CNRIP1: variants seen among roughly 807,000 people sequenced by gnomAD.
The protein encoded by CNRIP1 is cannabinoid receptor interacting protein 1.
A neutral mutation model predicts 15.2 loss-of-function variants in CNRIP1; 10 were observed. That is an observed-to-expected ratio of 0.66 (90% CI 0.41 to 1.12). The LOEUF is 1.12. Ranked by LOEUF, CNRIP1 falls within the 50% of genes most tolerant of loss-of-function variation. CNRIP1 has a pLI of 0.00. For missense variants in CNRIP1, 211 were observed against 214.7 expected (o/e 0.98, Z 0.11); for synonymous variants, 91 against 83.2 (o/e 1.09, Z -0.51).
At chr2:68,288,837 G>A (rs893275379), downstream of CNRIP1, among the ~76,000 whole-genome samples, 1 of 152,182 alleles carries the variant, frequency 6.6e-6, no homozygotes, top group African/African-American at 2.4e-5. Context: ...CAGGTAATGA[G>A]GTGATTTTAA....
rs201604875 is a variant in CNRIP1, at chr2:68,319,210, C to T, written c.179+12G>A. ...TGGGGGACCCTGCTGCCACCAGGCG[C>T]CCCGCACTCACTCGACCTGCAGCGT... On this transcript the variant is annotated intron_variant, in intron 1 of 2. Coordinates refer to ENST00000263655, the MANE Select transcript of CNRIP1 (RefSeq NM_015463.3). 4.6e-6 allele frequency: 7 copies of T among 1,537,716 alleles called. No homozygotes were observed. In the East Asian group the frequency reaches 9.9e-5, roughly 22 times the overall value.
At chr2:68,310,025 CAGAGTAA>C (rs1459194851) in intron 2 of CNRIP1, among the ~76,000 whole-genome samples, 3 of 152,128 alleles carry the variant, frequency 2.0e-5, no homozygotes, top group Non-Finnish European at 4.4e-5. Context: ...AAGTAGGTAT[CAGAGTAA>C]AGAGTTTTGG....
chr2:68,312,262 CGA>C lies in CNRIP1; in HGVS notation c.330+4893_330+4894del, dbSNP rs567535548. 2.8e-4 allele frequency among the ~76,000 whole-genome samples: 43 copies of C among 151,736 alleles called. No individual in the cohort carries two copies. In the East Asian group the frequency reaches 8.3e-3, roughly 29 times the overall value. On this transcript the variant is annotated intron_variant, in intron 2 of 2. Transcript: ENST00000263655. ...ATGAATCAAATCCAGTTTTACATAC[CGA>C]GAATAAACCATGACCAGTGGTATTT...
intron 2 of CNRIP1, among the ~76,000 whole-genome samples, chr2:68,301,861 CAG>C (rs1178150258): frequency 4.8e-5 from 6 of 125,232 alleles, no homozygotes; most frequent in Non-Finnish European, 9.4e-5. Context: ...CACTGCACTC[CAG>C]AGCCTGGGCG....
chr2:68,316,719 A>T, intron 2 of CNRIP1: 1 of 270,720 alleles, frequency 3.7e-6, no homozygotes, highest in South Asian at 5.1e-5. Flanking sequence ...ATATTATATA[A>T]GAGGTGTATT....
At chr2:68,295,619 T>G (rs1462331745) in intron 2 of CNRIP1, among the ~76,000 whole-genome samples, 1 of 152,198 alleles carries the variant, frequency 6.6e-6, no homozygotes, top group Non-Finnish European at 1.5e-5. Flanking sequence ...CTCAAAGACA[T>G]GCTAAGCAAA....
At position 68,293,743 on chromosome 2, in the gene CNRIP1, G is replaced by T; in HGVS notation, c.*119C>A. On this transcript the variant is annotated 3_prime_UTR_variant, in exon 3 of 3. Transcript: ENST00000263655. ...CTTTCAAAATAACCAGGGCTAGTAG[G>T]TCATTAGTACCAGATGGGGAACAGC... The T allele has an allele frequency of 6.7e-7, 1 of 1,494,808 alleles. No homozygotes were observed. The highest frequency in any genetic ancestry group is 8.9e-7 in the Non-Finnish European group (1 of 1,121,232). 92.6% of individuals were successfully genotyped at this position (1,494,808 alleles called of 1,614,324 possible). A position where few individuals can be genotyped will look rare whatever the true frequency, so the allele number is the denominator to read the frequency against.
chr2:68,293,531 G>A lies in CNRIP1; in HGVS notation c.*331C>T, dbSNP rs1173416198. 2 of 1,021,828 alleles carry A rather than the reference G, an allele frequency of 2.0e-6. No homozygotes were observed. The highest frequency in any genetic ancestry group is 2.3e-6 in the Non-Finnish European group (2 of 852,662). 63.3% of individuals were successfully genotyped at this position (1,021,828 alleles called of 1,614,324 possible). A position where few individuals can be genotyped will look rare whatever the true frequency, so the allele number is the denominator to read the frequency against. On this transcript the variant is annotated 3_prime_UTR_variant, in exon 3 of 3. Transcript: ENST00000263655. ...ACTTGGAAACAAAACACCAAAGTTA[G>A]TCAGTGGAATGGTCAAGAGCAGGAC... is the stretch of plus-strand genomic sequence containing the variant.
rs746412077 is a variant in CNRIP1, at chr2:68,317,256, C to T, written c.231G>A (p.Glu77=). Reference sequence around the variant, plus strand: ...TATAAACAACTCTGTCCCCATCAGGCTCTTTAGACTTCAGTTCCAGTGGGA... The same window carrying T: ...TATAAACAACTCTGTCCCCATCAGGTTCTTTAGACTTCAGTTCCAGTGGGA... The part of the protein sequence containing the change: ...VLVPLELKSK[E]PDGDRVVYTG... Residue 77 remains glutamate, a synonymous_variant, in exon 2 of 3, where the codon GAG becomes GAA. Coordinates refer to ENST00000263655, the MANE Select transcript of CNRIP1 (RefSeq NM_015463.3). The T allele has an allele frequency of 2.7e-5, 44 of 1,614,062 alleles. No individual in the cohort carries two copies. The highest frequency in any genetic ancestry group is 3.6e-5 in the Non-Finnish European group (42 of 1,180,032).
At position 68,293,284 on chromosome 2, in the gene CNRIP1, C is replaced by T; in HGVS notation, c.*578G>A. 1 of 985,970 alleles carries T rather than the reference C, an allele frequency of 1.0e-6. No individual in the cohort carries two copies. Among genetic ancestry groups the T allele is most frequent in the East Asian group, 1.1e-4 (1 of 8,832 alleles). The allele number at this position is 985,970 out of a possible 1,614,324, so 61.1% of individuals were successfully genotyped here. ...ACGTTATAAATACGTACATATTTGTCCTTCTAGTTTGTTACCATCCTTCCC... is the reference window on the plus strand; with the variant it reads ...ACGTTATAAATACGTACATATTTGTTCTTCTAGTTTGTTACCATCCTTCCC... On this transcript the variant is annotated 3_prime_UTR_variant, in exon 3 of 3. Coordinates refer to ENST00000263655, the MANE Select transcript of CNRIP1 (RefSeq NM_015463.3).
intron 2 of CNRIP1, among the ~76,000 whole-genome samples, chr2:68,311,213 A>AG (rs199809880): frequency 3.3e-5 from 5 of 151,978 alleles, no homozygotes; most frequent in Non-Finnish European, 5.9e-5. Context: ...GGGGGGAAAA[A>AG]CCAGTTAAGA....
chr2:68,305,713 A>C (rs1236541271), intron 2 of CNRIP1, among the ~76,000 whole-genome samples: 1 of 149,420 alleles, frequency 6.7e-6, no homozygotes, highest in Admixed American at 6.7e-5. Flanking sequence ...GGAGAATGGC[A>C]TGAACCCGGG....
At position 68,317,296 on chromosome 2, in the gene CNRIP1, A is replaced by T; in HGVS notation, c.191T>A (p.Ile64Asn). 1 of 1,614,032 alleles carries T rather than the reference A, an allele frequency of 6.2e-7. No homozygotes were observed. Among genetic ancestry groups the T allele is most frequent in the Non-Finnish European group, 8.5e-7 (1 of 1,180,032 alleles). ...TTCCAGTGGGACAAGCACACCACCA[A>T]TGGAAATATTCCTGCAATAGACTTG... ...PSTLQVENIS[I>N]GGVLVPLELK... Residue 64 changes from isoleucine (I) to asparagine (N), a missense_variant, in exon 2 of 3, where the codon ATT (isoleucine) becomes AAT (asparagine). Coordinates refer to ENST00000263655, the MANE Select transcript of CNRIP1 (RefSeq NM_015463.3).
intron 2 of CNRIP1, among the ~76,000 whole-genome samples, chr2:68,303,884 T>C (rs1376300160): frequency 1.3e-5 from 2 of 151,874 alleles, no homozygotes; most frequent in African/African-American, 4.8e-5. Context: ...TGAGACCAGC[T>C]TGGCAAACAT....
rs767142402 is a variant in CNRIP1, at chr2:68,319,296, G to A, written c.105C>T (p.Asn35=). The change falls in exon 1 of 3, where the codon AAC becomes AAT. Residue 35 remains asparagine, a synonymous_variant. Transcript: ENST00000263655. ...AGCCGGTGAGCAGCTTGATGGTGCG[G>A]TTCTGGCCGAAGCGCTGCCCGTCCA... ...YKVDGQRFGQ[N]RTIKLLTGSS... The A allele has an allele frequency of 7.7e-6, 12 of 1,553,106 alleles. No homozygotes were observed. The highest frequency in any genetic ancestry group is 1.0e-5 in the Non-Finnish European group (12 of 1,148,246).
chr2:68,297,834 A>T (rs1671436883), intron 2 of CNRIP1, among the ~76,000 whole-genome samples: 1 of 152,150 alleles, frequency 6.6e-6, no homozygotes, highest in South Asian at 2.1e-4. Flanking sequence ...GCTTAGAACA[A>T]TGTTTAAAGG....
chr2:68,314,762 A>G (rs898026532), intron 2 of CNRIP1, among the ~76,000 whole-genome samples: 12 of 152,110 alleles, frequency 7.9e-5, no homozygotes, highest in Admixed American at 2.0e-4. Context: ...TTTTTGCAAT[A>G]TAAGAAATTT....
chr2:68,313,771 T>C (rs920645924), intron 2 of CNRIP1, among the ~76,000 whole-genome samples: 5 of 152,176 alleles, frequency 3.3e-5, no homozygotes, highest in Admixed American at 1.3e-4. Context: ...GTGCATTTTA[T>C]GTTAATCATA....
chr2:68,311,385 G>GGA (rs1553416339), intron 2 of CNRIP1, among the ~76,000 whole-genome samples: 12 of 84,986 alleles, frequency 1.4e-4, no homozygotes, highest in Admixed American at 2.4e-4. Context: ...TGAAGCATGT[G>GGA]AAAAAAAAAG....
Sources: gnomAD v4.1 joint callset for allele counts (sites outside exome capture counted in the v4.1 genomes callset) on GRCh38, gnomAD v4.1.1 for gene constraint, MANE v1.5 for transcripts, NCBI Gene and HGNC (gene_info 2026-07-23, HGNC 2026-07-21) for gene names.